The following CGNL1 variants were observed in gnomAD, a reference collection of about 807,000 sequenced individuals.
The protein encoded by CGNL1 is cingulin like 1.
Under a neutral mutation model 141.2 loss-of-function variants are expected in CGNL1, and 132 were observed. That is an observed-to-expected ratio of 0.93 (90% CI 0.81 to 1.08). CGNL1 has a LOEUF of 1.08. Among genes scored for constraint, CGNL1 ranks in the 50% least tolerant of loss-of-function variants. The pLI is 0.00. For missense variants in CGNL1, 1,870 were observed against 1,588.6 expected (o/e 1.18, Z -3.01); for synonymous variants, 690 against 622.1 (o/e 1.11, Z -1.63).
intron 8 of CGNL1, among the ~76,000 whole-genome samples, chr15:57,465,719 T>C (rs1292078827): frequency 2.6e-5 from 4 of 152,198 alleles, no homozygotes; most frequent in Non-Finnish European, 5.9e-5. Context: ...ATAGGTCTTA[T>C]GAAGCAGCCC....
At position 57,440,470 on chromosome 15, in the gene CGNL1, G is replaced by T; in HGVS notation, c.1696G>T (p.Gly566Ter). The T allele has an allele frequency of 6.3e-7, 1 of 1,579,744 alleles. No homozygotes were observed. The highest frequency in any genetic ancestry group is 8.6e-7 in the Non-Finnish European group (1 of 1,159,490). The change falls in exon 3 of 19, where the codon GGA (glycine) becomes TGA (stop). Residue 566 changes from glycine to a stop codon, truncating the protein, a stop_gained and splice_region_variant. Coordinates refer to ENST00000281282, the MANE Select transcript of CGNL1 (RefSeq NM_032866.5). LOFTEE classifies it high-confidence loss of function. ...GATTCTCTACAATTACCTCAAAGAA[G>T]GGTTAGTGATTTTCCCTCTGAAAGA... ...KQILYNYLKE[G>*]STDNDDATKR... is the part of the protein sequence containing the mutation.
intron 7 of CGNL1, among the ~76,000 whole-genome samples, chr15:57,454,911 A>AG (rs1214682080): frequency 6.6e-6 from 1 of 151,678 alleles, no homozygotes; most frequent in South Asian, 2.1e-4. Flanking sequence ...AAAAAGGGGG[A>AG]GGGGGGGACG....
chr15:57,440,089 T>C (rs537551028), intron 2 of CGNL1, among the ~76,000 whole-genome samples: 1 of 139,890 alleles, frequency 7.1e-6, no homozygotes, highest in South Asian at 2.4e-4. Context: ...CAATAAAAAA[T>C]AATGATATTG....
At chr15:57,510,848 C>T (rs1177975819) in intron 8 of CGNL1, among the ~76,000 whole-genome samples, 1 of 152,148 alleles carries the variant, frequency 6.6e-6, no homozygotes, top group African/African-American at 2.4e-5. Context: ...AAAGGAATTG[C>T]TTAACTATGT....
chr15:57,446,817 G>A (rs1490509281), intron 4 of CGNL1, among the ~76,000 whole-genome samples: 3 of 152,028 alleles, frequency 2.0e-5, no homozygotes, highest in African/African-American at 7.2e-5. Flanking sequence ...TTACACTCCT[G>A]GTAGTGCAGC....
chr15:57,537,603 G>A (rs1056766389), intron 14 of CGNL1, among the ~76,000 whole-genome samples: 1 of 152,030 alleles, frequency 6.6e-6, no homozygotes, highest in Non-Finnish European at 1.5e-5. Flanking sequence ...CCTCTTTACA[G>A]CCCAATGATA....
At chr15:57,434,772 C>T (rs540385145) in intron 1 of CGNL1, among the ~76,000 whole-genome samples, 1 of 152,274 alleles carries the variant, frequency 6.6e-6, no homozygotes, top group East Asian at 1.9e-4. Flanking sequence ...AACCTGGCTT[C>T]TATGTCCAGC....
intron 10 of CGNL1, among the ~76,000 whole-genome samples, chr15:57,523,173 A>G (rs765971911): frequency 1.3e-5 from 2 of 152,228 alleles, no homozygotes; most frequent in Non-Finnish European, 2.9e-5. Flanking sequence ...TTCAAGCATG[A>G]ACATTCAGGT....
intron 2 of CGNL1, among the ~76,000 whole-genome samples, 172 bp downstream of exon 2, chr15:57,439,773 G>A (rs1421014781): frequency 1.3e-5 from 2 of 152,232 alleles, no homozygotes; most frequent in African/African-American, 4.8e-5. Context: ...ATGTCCTACT[G>A]CCAATTGTAT....
chr15:57,442,487 A>T lies in CGNL1; in HGVS notation c.1803+9A>T. The T allele has an allele frequency of 6.5e-7, 1 of 1,549,378 alleles. No individual in the cohort carries two copies. Among genetic ancestry groups the T allele is most frequent in the Non-Finnish European group, 8.9e-7 (1 of 1,121,582 alleles). On this transcript the variant is annotated intron_variant, in intron 4 of 18. Transcript: ENST00000281282. ...CCCAAGGAAATAACCAAGTAAATGG[A>T]AGTTTTGTATTTTGTAGAGTGCATT...
At chr15:57,437,725 C>A (rs1280392) in intron 1 of CGNL1, among the ~76,000 whole-genome samples, 1 of 149,752 alleles carries the variant, frequency 6.7e-6, no homozygotes, top group African/African-American at 2.5e-5. Flanking sequence ...GGTCATTACA[C>A]GGGTTGTCTG....
intron 7 of CGNL1, 133 bp downstream of exon 7, chr15:57,453,951 A>G: frequency 2.1e-6 from 2 of 969,538 alleles, no homozygotes; most frequent in Non-Finnish European, 3.0e-6. Context: ...ATGATCTGTG[A>G]GTCAGTGGAT....
At chr15:57,478,727 C>A (rs962732608) in intron 8 of CGNL1, among the ~76,000 whole-genome samples, 5 of 152,200 alleles carry the variant, frequency 3.3e-5, no homozygotes, top group Admixed American at 6.5e-5. Context: ...CTGCCTCGAC[C>A]TCCCAGGCTC....
chr15:57,470,900 T>TA (rs777491097), intron 8 of CGNL1, among the ~76,000 whole-genome samples: 11 of 152,206 alleles, frequency 7.2e-5, no homozygotes, highest in Admixed American at 2.0e-4. Flanking sequence ...GTTGACACCC[T>TA]AAGTGCTTTT....
intron 17 of CGNL1, 120 bp from the exon 18 acceptor site, chr15:57,545,956 C>A: frequency 8.9e-7 from 1 of 1,123,616 alleles, no homozygotes; most frequent in Non-Finnish European, 1.3e-6. Context: ...TCCCAAGAGA[C>A]TGGCTGCCCC....
chr15:57,529,611 C>A (rs1271315261), intron 13 of CGNL1, among the ~76,000 whole-genome samples: 1 of 145,654 alleles, frequency 6.9e-6, no homozygotes, highest in Non-Finnish European at 1.5e-5. Flanking sequence ...CACACACACG[C>A]CCCAGTAGAA....
chr15:57,490,303 T>G (rs1204347682), intron 8 of CGNL1, among the ~76,000 whole-genome samples: 2 of 152,100 alleles, frequency 1.3e-5, no homozygotes, highest in African/African-American at 4.8e-5. Flanking sequence ...CGTTGATGCA[T>G]TTGAAGATGA....
Position 57,439,440 on chromosome 15 carries a change from G to T in CGNL1, c.1441G>T (p.Val481Leu), listed in dbSNP as rs759979646. The T allele has an allele frequency of 6.2e-7, 1 of 1,614,102 alleles. No individual in the cohort carries two copies. Among genetic ancestry groups the T allele is most frequent in the Non-Finnish European group, 8.5e-7 (1 of 1,180,040 alleles). Residue 481 changes from valine (V) to leucine (L), a missense_variant, in exon 2 of 19, where the codon GTG (valine) becomes TTG (leucine). By Grantham distance (32) the Val-to-Leu change is conservative. Transcript: ENST00000281282. ...AACCGAAGGTAGTCAGGAAAGTACA[G>T]TGATCCGTGCGCCCTCCCTTGGTGC... ...LETEGSQEST[V>L]IRAPSLGAQS... is the part of the protein sequence containing the mutation.
At chr15:57,524,875 C>T in intron 12 of CGNL1, 124 bp downstream of exon 12, 1 of 947,920 alleles carries the variant, frequency 1.1e-6, no homozygotes, top group East Asian at 2.7e-5. Flanking sequence ...ACTCTTCATT[C>T]TTCACCTTCT....
Sources: allele counts gnomAD v4.1 joint callset (sites outside exome capture counted in the v4.1 genomes callset), GRCh38; gene constraint gnomAD v4.1.1; transcripts MANE v1.5; gene names NCBI Gene and HGNC (gene_info 2026-07-23, HGNC 2026-07-21).